Variants in COL24A1 observed in about 807,000 individuals in gnomAD.
COL24A1 encodes collagen alpha-1(XXIV) chain.
A neutral mutation model predicts 253.9 loss-of-function variants in COL24A1; 224 were observed. That is an observed-to-expected ratio of 0.88 (90% CI 0.79 to 0.99). COL24A1 has a LOEUF of 0.99. COL24A1 is among the 50% of genes least tolerant of loss of function. The probability of loss-of-function intolerance (pLI) is 0.00; values close to 1 mark genes in which losing one functional copy is unlikely to be tolerated. For missense variants in COL24A1, 2,131 were observed against 2,068.5 expected (o/e 1.03, Z -0.59); for synonymous variants, 685 against 673.7 (o/e 1.02, Z -0.26).
intron 47 of COL24A1, among the ~76,000 whole-genome samples, chr1:85,799,872 G>T (rs1671250586): frequency 6.6e-6 from 1 of 152,156 alleles, no homozygotes; most frequent in African/African-American, 2.4e-5. Flanking sequence ...CTTATGATCT[G>T]GTAGTTAATT....
chr1:86,156,832 T>TG (rs1360145087), upstream of COL24A1: 14 of 143,868 alleles, frequency 9.7e-5, no homozygotes, highest in African/African-American at 3.4e-4. Flanking sequence ...GGAGATGAAG[T>TG]GGGGGAGGAA....
At chr1:85,844,768 A>C (rs1676989243) in intron 39 of COL24A1, among the ~76,000 whole-genome samples, 1 of 152,104 alleles carries the variant, frequency 6.6e-6, no homozygotes, top group Non-Finnish European at 1.5e-5. Flanking sequence ...AAATTTCAAA[A>C]ATTTATTCCA....
At chr1:85,955,855 T>C (rs1434623343) in intron 24 of COL24A1, among the ~76,000 whole-genome samples, 1 of 152,256 alleles carries the variant, frequency 6.6e-6, no homozygotes, top group Non-Finnish European at 1.5e-5. Context: ...TTCCTATTTC[T>C]ATCACAAATA....
chr1:86,084,527 G>A (rs935491411), intron 7 of COL24A1, among the ~76,000 whole-genome samples: 21 of 152,058 alleles, frequency 1.4e-4, no homozygotes, highest in Non-Finnish European at 2.4e-4. Flanking sequence ...TGGTCCCATC[G>A]ATCCCTAGTA....
At chr1:86,001,308 C>T (rs902112557) in intron 19 of COL24A1, among the ~76,000 whole-genome samples, 3 of 152,180 alleles carry the variant, frequency 2.0e-5, no homozygotes, top group African/African-American at 7.2e-5. Context: ...GCATTTACAA[C>T]AAAAACTTCA....
intron 37 of COL24A1, among the ~76,000 whole-genome samples, chr1:85,863,254 A>G (rs1246053051): frequency 1.3e-5 from 2 of 152,184 alleles, no homozygotes; most frequent in African/African-American, 4.8e-5. Context: ...CAATCATGTC[A>G]TCCACAAACA....
At chr1:85,864,964 A>G (rs1679618251) in intron 37 of COL24A1, among the ~76,000 whole-genome samples, 1 of 152,012 alleles carries the variant, frequency 6.6e-6, no homozygotes, top group Non-Finnish European at 1.5e-5. Flanking sequence ...TTCTTTTCTC[A>G]TGCAGAGTTA....
chr1:85,783,380 C>T (rs313724), intron 51 of COL24A1, 116 bp downstream of exon 51: 799,323 of 843,738 alleles, frequency 0.95, 379,444 homozygotes, highest in Non-Finnish European at 0.96. Context: ...TGAGTTTCTA[C>T]CTTAAAAGTC....
chr1:85,778,092 G>T (rs114797369), intron 52 of COL24A1, among the ~76,000 whole-genome samples: 1 of 149,210 alleles, frequency 6.7e-6, no homozygotes, highest in Non-Finnish European at 1.5e-5. Flanking sequence ...ATACATACAC[G>T]TATCCATAGC....
chr1:85,758,868 A>G (rs1316142237), intron 55 of COL24A1, among the ~76,000 whole-genome samples: 3 of 152,148 alleles, frequency 2.0e-5, no homozygotes, highest in Non-Finnish European at 4.4e-5. Flanking sequence ...TTAGTCATTT[A>G]AAAATATACA....
At chr1:86,015,471 G>A (rs1384035345) in intron 19 of COL24A1, among the ~76,000 whole-genome samples, 5 of 152,106 alleles carry the variant, frequency 3.3e-5, no homozygotes, top group African/African-American at 7.2e-5. Context: ...AAAACATGGC[G>A]CATGCATCCT....
At chr1:85,783,647 T>C (rs1410912630) in intron 50 of COL24A1, 89 bp from the exon 51 acceptor site, 1 of 1,229,156 alleles carries the variant, frequency 8.1e-7, no homozygotes, top group Non-Finnish European at 1.2e-6. Flanking sequence ...AGAATTGCTC[T>C]TTTAAAAATG....
intron 17 of COL24A1, 47 bp from the exon 18 acceptor site, chr1:86,022,340 G>T: frequency 6.5e-7 from 1 of 1,527,966 alleles, no homozygotes; most frequent in Non-Finnish European, 9.1e-7. Flanking sequence ...ACCACAAAAG[G>T]CAGACATACC....
At chr1:86,034,298 A>G (rs1303485294) in intron 12 of COL24A1, among the ~76,000 whole-genome samples, 1 of 152,132 alleles carries the variant, frequency 6.6e-6, no homozygotes, top group Non-Finnish European at 1.5e-5. Context: ...CTCACCCCAT[A>G]GAGAATAAAA....
chr1:85,820,226 G>A (rs1673484624), intron 45 of COL24A1, among the ~76,000 whole-genome samples: 2 of 152,138 alleles, frequency 1.3e-5, no homozygotes, highest in Admixed American at 1.3e-4. Flanking sequence ...CAAAGATGAT[G>A]CCTAGGGAGA....
chr1:85,968,092 A>G (rs1691752656), intron 22 of COL24A1, among the ~76,000 whole-genome samples: 1 of 152,158 alleles, frequency 6.6e-6, no homozygotes, highest in Admixed American at 6.5e-5. Flanking sequence ...TCTGCCTTAG[A>G]TCATTGGACT....
At chr1:86,112,447 G>C (rs1026561944) in intron 5 of COL24A1, 120 bp downstream of exon 5, 5 of 764,010 alleles carry the variant, frequency 6.5e-6, no homozygotes, top group Non-Finnish European at 1.1e-5. Flanking sequence ...TCATGCTCTG[G>C]AGGTGACAGA....
intron 1 of COL24A1, among the ~76,000 whole-genome samples, chr1:86,149,355 G>A (rs562990441): frequency 6.6e-6 from 1 of 152,374 alleles, no homozygotes; most frequent in South Asian, 2.1e-4. Context: ...AAAATGATGT[G>A]TGGGCTCTCC....
chr1:85,861,759 C>T (rs1213129188), intron 37 of COL24A1, among the ~76,000 whole-genome samples: 1 of 152,174 alleles, frequency 6.6e-6, no homozygotes, highest in Non-Finnish European at 1.5e-5. Context: ...TAACACTAAC[C>T]ACACTTTGAA....
Sources: allele counts gnomAD v4.1 joint callset (sites outside exome capture counted in the v4.1 genomes callset), GRCh38; gene constraint gnomAD v4.1.1; transcripts MANE v1.5; gene names NCBI Gene and HGNC (gene_info 2026-07-23, HGNC 2026-07-21).